Variants in STAT5B observed in about 807,000 individuals in gnomAD.
STAT5B encodes the protein signal transducer and activator of transcription 5B, also known as transcription factor STAT5B.
Under a neutral mutation model 107.8 loss-of-function variants are expected in STAT5B, and 21 were observed. The observed-to-expected ratio is 0.19, with a 90% confidence interval of 0.14 to 0.28. The LOEUF (loss-of-function observed/expected upper bound fraction) is 0.28, where lower values mean the gene tolerates loss of function less well. Ranked by LOEUF, STAT5B falls within the 10% of genes least tolerant of loss-of-function variation. The probability of loss-of-function intolerance (pLI) is 1.00; values close to 1 mark genes in which losing one functional copy is unlikely to be tolerated. For synonymous variants in STAT5B, 325 were observed against 401.7 expected (o/e 0.81, Z 2.28); for missense variants, 565 against 1,008.2 (o/e 0.56, Z 5.95).
intron 12 of STAT5B, among the ~76,000 whole-genome samples, chr17:42,214,792 C>G (rs1295853078): frequency 6.6e-6 from 1 of 152,148 alleles, no homozygotes; most frequent in African/African-American, 2.4e-5. Context: ...CTTTGTCACC[C>G]AGGCTGGAGT....
At chr17:42,267,938 A>G (rs562134739) in intron 1 of STAT5B, among the ~76,000 whole-genome samples, 1 of 151,526 alleles carries the variant, frequency 6.6e-6, no homozygotes, top group South Asian at 2.1e-4. Context: ...AGCCTGGGCC[A>G]CAAGAGCAAG....
At chr17:42,243,030 T>C (rs894430548) in intron 1 of STAT5B, among the ~76,000 whole-genome samples, 1 of 151,628 alleles carries the variant, frequency 6.6e-6, no homozygotes, top group African/African-American at 2.4e-5. Flanking sequence ...CCAGAGACCT[T>C]TGTTCACTTG....
At chr17:42,232,998 C>T (rs1354168815) in intron 1 of STAT5B, among the ~76,000 whole-genome samples, 1 of 151,686 alleles carries the variant, frequency 6.6e-6, no homozygotes, top group African/African-American at 2.4e-5. Flanking sequence ...CCCGCCACCG[C>T]ACCCAGCTAA....
At chr17:42,287,198 C>T in the STAT5B span, among the ~76,000 whole-genome samples, 3 of 144,248 alleles carry the variant, frequency 2.1e-5, no homozygotes, top group East Asian at 6.0e-4. Context: ...CTTTGAAGTT[C>T]TTTTTTTTTT....
At chr17:42,268,358 G>A (rs959764215) in intron 1 of STAT5B, among the ~76,000 whole-genome samples, 3 of 152,132 alleles carry the variant, frequency 2.0e-5, no homozygotes, top group Non-Finnish European at 4.4e-5. Context: ...AGGAGCAATA[G>A]GCTTTATCAT....
intron 5 of STAT5B, 142 bp from the exon 6 acceptor site, chr17:42,219,984 AG>A (rs2080210889): frequency 7.0e-6 from 10 of 1,422,554 alleles, no homozygotes; most frequent in South Asian, 4.1e-5. Flanking sequence ...CCTGACAGCC[AG>A]GGGGGCCAAG....
rs924928129 is a variant in STAT5B, at chr17:42,243,663, A to G, written c.-10-11526T>C. Among the ~76,000 whole-genome samples, 7 of 152,294 alleles carry G rather than the reference A, an allele frequency of 4.6e-5. No individual in the cohort carries two copies. The South Asian group carries it at 1.4e-3, about 32-fold the overall frequency. ...GAGTACTCATTGTTCTATTCTTTCCACTTTTAAGTCATGTACACTTTTTTC... is the reference window on the plus strand; with the variant it reads ...GAGTACTCATTGTTCTATTCTTTCCGCTTTTAAGTCATGTACACTTTTTTC... On this transcript the variant is annotated intron_variant, in intron 1 of 18. Coordinates refer to ENST00000293328, the MANE Select transcript of STAT5B (RefSeq NM_012448.4).
chr17:42,257,253 CTCTT>C (rs2080553863), intron 1 of STAT5B, among the ~76,000 whole-genome samples: 1 of 152,164 alleles, frequency 6.6e-6, no homozygotes, highest in African/African-American at 2.4e-5. Flanking sequence ...TATTCTTCTT[CTCTT>C]TATTTCTGTT....
At position 42,217,810 on chromosome 17, in the gene STAT5B, T is replaced by C. The variant is rs1481292710; in HGVS notation, c.1169+341A>G. 1.1e-5 allele frequency: 5 copies of C among 437,314 alleles called. No homozygotes were observed. In the East Asian group the frequency reaches 2.6e-4, roughly 22 times the overall value. The allele number at this position is 437,314 out of a possible 1,614,324, so 27.1% of individuals were successfully genotyped here. A position where few individuals can be genotyped will look rare whatever the true frequency, so the allele number is the denominator to read the frequency against. On this transcript the variant is annotated intron_variant, in intron 9 of 18. Transcript: ENST00000293328. ...ATCTCTGCCTCCCAGGTTCAAGGGATTCTCCTGCCTCAGGCTCTCTAGTGG... is the reference window on the plus strand; with the variant it reads ...ATCTCTGCCTCCCAGGTTCAAGGGACTCTCCTGCCTCAGGCTCTCTAGTGG...
chr17:42,202,525 C>T, intron 17 of STAT5B, 78 bp from the exon 18 acceptor site: 1 of 1,537,354 alleles, frequency 6.5e-7, no homozygotes, highest in East Asian at 2.3e-5. Flanking sequence ...CAAGGGGTAT[C>T]TTTGTCTTTC....
In STAT5B at chr17:42,207,792, C is replaced by T. The variant is rs79817421; in HGVS notation, c.1907-64G>A. 16 of 1,548,826 alleles carry T rather than the reference C, an allele frequency of 1.0e-5. No homozygotes were observed. The East Asian group carries it at 3.4e-4, about 33-fold the overall frequency. ...TTTCTGAATTAGGAAATCTTAAAACCCCAACATACTATAAATTCAAGCTTG... is the reference window on the plus strand; with the variant it reads ...TTTCTGAATTAGGAAATCTTAAAACTCCAACATACTATAAATTCAAGCTTG... On this transcript the variant is annotated intron_variant, in intron 15 of 18. Coordinates refer to ENST00000293328, the MANE Select transcript of STAT5B (RefSeq NM_012448.4).
At chr17:42,224,078 A>G (rs2080253277) in intron 4 of STAT5B, among the ~76,000 whole-genome samples, 1 of 152,102 alleles carries the variant, frequency 6.6e-6, no homozygotes, top group South Asian at 2.1e-4. Flanking sequence ...GGCATCCTGG[A>G]GACCCCAGGG....
intron 8 of STAT5B, 53 bp downstream of exon 8, chr17:42,218,670 C>T (rs1203380212): frequency 2.0e-5 from 32 of 1,611,864 alleles, no homozygotes; most frequent in African/African-American, 5.3e-5. Context: ...GCTCCCCCCA[C>T]GCAGGCAGGA....
chr17:42,241,337 T>A (rs1362680852), intron 1 of STAT5B, among the ~76,000 whole-genome samples: 3 of 138,080 alleles, frequency 2.2e-5, no homozygotes, highest in Non-Finnish European at 3.1e-5. Flanking sequence ...TGAAACTCCA[T>A]CTCAAAAAAA....
chr17:42,218,984 C>T (rs1228225496), intron 7 of STAT5B, 106 bp from the exon 8 acceptor site: 2 of 1,073,668 alleles, frequency 1.9e-6, no homozygotes, highest in Non-Finnish European at 2.7e-6. Context: ...GTGCTTTCGC[C>T]ACACTTCCCA....
intron 1 of STAT5B, among the ~76,000 whole-genome samples, chr17:42,255,862 C>A (rs564394177): frequency 1.3e-5 from 2 of 152,082 alleles, no homozygotes; most frequent in South Asian, 4.2e-4. Flanking sequence ...AGGCCGAGGG[C>A]GGTTCACCTA....
intron 1 of STAT5B, among the ~76,000 whole-genome samples, chr17:42,259,755 C>T (rs879538665): frequency 4.6e-4 from 70 of 151,672 alleles, no homozygotes; most frequent in African/African-American, 1.5e-3. Context: ...CCACTTCACT[C>T]GGCAAAATAG....
intron 5 of STAT5B, among the ~76,000 whole-genome samples, chr17:42,222,100 T>C (rs1232347898): frequency 1.4e-5 from 2 of 143,682 alleles, no homozygotes; most frequent in Admixed American, 1.4e-4. Context: ...GTGTGTGCAC[T>C]GTGTGTCTCT....
At chr17:42,221,389 T>C (rs2080225072) in intron 5 of STAT5B, among the ~76,000 whole-genome samples, 1 of 152,066 alleles carries the variant, frequency 6.6e-6, no homozygotes, top group South Asian at 2.1e-4. Context: ...CGGGAAGCAA[T>C]TTCCCTACTC....
Sources: allele counts gnomAD v4.1 joint callset (sites outside exome capture counted in the v4.1 genomes callset), GRCh38; gene constraint gnomAD v4.1.1; transcripts MANE v1.5; gene names NCBI Gene and HGNC (gene_info 2026-07-23, HGNC 2026-07-21).